The following PRDM16 variants were observed in gnomAD, a reference collection of about 807,000 sequenced individuals.
The protein encoded by PRDM16 is histone-lysine N-methyltransferase PRDM16.
A neutral mutation model predicts 110.6 loss-of-function variants in PRDM16; 23 were observed. The observed-to-expected ratio is 0.21, with a 90% confidence interval of 0.15 to 0.29. The LOEUF (loss-of-function observed/expected upper bound fraction) is 0.29. Among genes scored for constraint, PRDM16 ranks in the 10% least tolerant of loss-of-function variants. The pLI is 1.00. For missense variants in PRDM16, 1,615 were observed against 1,794.3 expected, an observed-to-expected ratio of 0.90 and a Z score of 1.81; for synonymous variants, 799 against 781.8, an observed-to-expected ratio of 1.02 and a Z score of -0.37.
chr1:3,357,941 G>A (rs1047417875), intron 3 of PRDM16, among the ~76,000 whole-genome samples: 12 of 152,216 alleles, frequency 7.9e-5, no homozygotes, highest in African/African-American at 2.4e-4. Flanking sequence ...CTCATACAGC[G>A]AAAGCACTGA....
At chr1:3,361,651 C>A (rs76669478) in intron 3 of PRDM16, among the ~76,000 whole-genome samples, 22 of 152,290 alleles carry the variant, frequency 1.4e-4, no homozygotes, top group African/African-American at 5.3e-4. Context: ...TGTTGTGGGG[C>A]TTTTGGAGAA....
At chr1:3,121,230 CCCCAGGAGCCCACCCTCCCAGCAGGA>C (rs1246127626) in intron 1 of PRDM16, among the ~76,000 whole-genome samples, 4 of 152,188 alleles carry the variant, frequency 2.6e-5, no homozygotes, top group Non-Finnish European at 5.9e-5. Context: ...ACGGAGCCTG[CCCCAGGAGCCCACCCTCCCAGCAGGA>C]CCCGGGGCTG....
rs78930433 is a variant in PRDM16, at chr1:3,362,824, C to T, written c.439-22328C>T. ...TGCCCTGACCTGCTCCAGGGAGCGT[C>T]GGGGAGCCATAGGGAGTGTCGGGGA... On this transcript the variant is annotated intron_variant, in intron 3 of 16. Transcript: ENST00000270722. Among the ~76,000 whole-genome samples, 191 of 152,254 alleles carry T rather than the reference C, an allele frequency of 1.3e-3. 2 individuals are homozygous for T. In the East Asian group the frequency reaches 0.029, roughly 23 times the overall value.
chr1:3,239,036 G>T (rs962975238), intron 2 of PRDM16, among the ~76,000 whole-genome samples: 1 of 152,250 alleles, frequency 6.6e-6, no homozygotes, highest in Admixed American at 6.5e-5. Flanking sequence ...CCCAAAAAAT[G>T]ACCCGCTGCT....
rs1217634741 is a variant in PRDM16 at position 3,411,540 on chromosome 1, A to G, written c.1343A>G (p.Lys448Arg). The G allele has an allele frequency of 1.2e-6, 2 of 1,614,166 alleles. No homozygotes were observed. Among genetic ancestry groups the G allele is most frequent in the East Asian group, 4.5e-5 (2 of 44,872 alleles). Residue 448 changes from lysine to arginine, a missense_variant, in exon 9 of 17, where the codon AAG becomes AGG. Around this residue, in one of 5 missense-constraint regions of PRDM16, gnomAD observed 772 missense variants for 748.3 expected, o/e 1.03. Coordinates refer to ENST00000270722, the MANE Select transcript of PRDM16 (RefSeq NM_022114.4). ...LNKHRRFCEG[K>R]NHYTPGGIFA... The stretch of plus-strand genomic sequence containing the variant: ...AAGCACCGGCGCTTCTGCGAGGGCA[A>G]GAACCATTACACGCCGGGCGGCATC...
chr1:3,181,083 C>CCCGGTCTT (rs1331423410), intron 1 of PRDM16, among the ~76,000 whole-genome samples: 2 of 147,260 alleles, frequency 1.4e-5, no homozygotes, highest in African/African-American at 5.2e-5. Context: ...CGGTCTTACA[C>CCCGGTCTT]ACGGCCTTAC....
chr1:3,380,141 C>G (rs1017620820), intron 3 of PRDM16, among the ~76,000 whole-genome samples: 1 of 150,390 alleles, frequency 6.6e-6, no homozygotes, highest in Admixed American at 6.6e-5. Flanking sequence ...CATGCCCCTC[C>G]CGGTGCATGC....
At chr1:3,096,498 C>G (rs1642403605) in intron 1 of PRDM16, among the ~76,000 whole-genome samples, 1 of 152,210 alleles carries the variant, frequency 6.6e-6, no homozygotes, top group Non-Finnish European at 1.5e-5. Flanking sequence ...GAATCCACAC[C>G]TTGTGGCTGA....
At chr1:3,077,790 G>A (rs181765757) in intron 1 of PRDM16, among the ~76,000 whole-genome samples, 2 of 152,282 alleles carry the variant, frequency 1.3e-5, no homozygotes, top group East Asian at 1.9e-4. Flanking sequence ...GCACTGTATC[G>A]TTGCTGTAGG....
chr1:3,194,605 C>T (rs894500463), intron 2 of PRDM16, among the ~76,000 whole-genome samples: 6 of 148,744 alleles, frequency 4.0e-5, no homozygotes, highest in African/African-American at 1.5e-4. Flanking sequence ...CCCCACCACA[C>T]GCCACCGTCT....
intron 3 of PRDM16, among the ~76,000 whole-genome samples, chr1:3,254,929 A>G (rs547638468): frequency 6.6e-4 from 100 of 152,340 alleles, no homozygotes; most frequent in African/African-American, 2.2e-3. Flanking sequence ...ACAGTAACCA[A>G]AACAGCATGG....
intron 1 of PRDM16, among the ~76,000 whole-genome samples, chr1:3,147,587 G>T (rs1361628588): frequency 6.6e-6 from 1 of 152,138 alleles, no homozygotes; most frequent in Non-Finnish European, 1.5e-5. Flanking sequence ...TCTTTGTGAA[G>T]AATGAGACCC....
intron 3 of PRDM16, among the ~76,000 whole-genome samples, chr1:3,340,812 G>A (rs1642255632): frequency 6.6e-6 from 1 of 152,182 alleles, no homozygotes; most frequent in Non-Finnish European, 1.5e-5. Flanking sequence ...CAGGGTGTGG[G>A]GCAGAAGTCA....
chr1:3,242,591 C>G (rs1639700848), intron 2 of PRDM16, among the ~76,000 whole-genome samples: 1 of 152,348 alleles, frequency 6.6e-6, no homozygotes, highest in South Asian at 2.1e-4. Flanking sequence ...CTCTTCCAAA[C>G]GCAGCCCATC....
At chr1:3,340,417 G>T (rs1642248336) in intron 3 of PRDM16, among the ~76,000 whole-genome samples, 1 of 152,192 alleles carries the variant, frequency 6.6e-6, no homozygotes, top group African/African-American at 2.4e-5. Flanking sequence ...GCTGCAAAAC[G>T]CCATAAATAC....
At chr1:3,270,697 G>GGACAGTCCCGGAGGAGGACAGTCGGGGAA (rs1640428380) in intron 3 of PRDM16, among the ~76,000 whole-genome samples, 1 of 149,906 alleles carries the variant, frequency 6.7e-6, no homozygotes, top group African/African-American at 2.4e-5. Flanking sequence ...CAGTCGGGGA[G>GGACAGTCCCGGAGGAGGACAGTCGGGGAA]GACAGTCCCG....
At chr1:3,121,261 G>C (rs1180192677) in intron 1 of PRDM16, among the ~76,000 whole-genome samples, 1 of 152,212 alleles carries the variant, frequency 6.6e-6, no homozygotes, top group African/African-American at 2.4e-5. Flanking sequence ...GCAGGACCCG[G>C]GGCTGCGGTG....
chr1:3,209,780 G>A lies in PRDM16; in HGVS notation c.387+23306G>A, dbSNP rs771694287. Among the ~76,000 whole-genome samples, 3 of 152,160 alleles carry A rather than the reference G, an allele frequency of 2.0e-5. No homozygotes were observed. Among genetic ancestry groups the A allele is most frequent in the Non-Finnish European group, 2.9e-5 (2 of 68,034 alleles). On this transcript the variant is annotated intron_variant, in intron 2 of 16. Coordinates refer to ENST00000270722, the MANE Select transcript of PRDM16 (RefSeq NM_022114.4). The surrounding 1 kb of genome is among the most constrained non-coding windows in gnomAD (Gnocchi z 4.6). Reference sequence around the variant, plus strand: ...ACTTGTCTTGTAGTTTCCTGAGCACGACAGCCAGGACTTGGTCCAGCGTTT... The same window carrying A: ...ACTTGTCTTGTAGTTTCCTGAGCACAACAGCCAGGACTTGGTCCAGCGTTT...
At chr1:3,281,047 CG>C (rs1350616015) in intron 3 of PRDM16, among the ~76,000 whole-genome samples, 20 of 152,354 alleles carry the variant, frequency 1.3e-4, no homozygotes, top group African/African-American at 3.8e-4. Context: ...TGTTCAACAC[CG>C]GGCAAGTCCC....
Sources: allele counts gnomAD v4.1 joint callset (sites outside exome capture counted in the v4.1 genomes callset), GRCh38; gene constraint gnomAD v4.1.1; regional missense constraint gnomAD v4.1.1; non-coding constraint Gnocchi (gnomAD v3.1); transcripts MANE v1.5; gene names NCBI Gene and HGNC (gene_info 2026-07-23, HGNC 2026-07-21).